The following C1QA variants were observed in gnomAD, a reference collection of about 807,000 sequenced individuals.
The protein encoded by C1QA is complement C1q subcomponent subunit A.
C1QA carries 3 observed loss-of-function variants against 6.9 expected under a neutral mutation model. The observed-to-expected ratio is 0.44, with a 90% CI of 0.20 to 1.12. The LOEUF is 1.12. Ranked by LOEUF, C1QA falls within the 50% of genes most tolerant of loss-of-function variation. The pLI, the probability that C1QA is intolerant of heterozygous loss-of-function variation, is 0.27. For synonymous variants in C1QA, 128 were observed against 134.1 expected (o/e 0.95, Z 0.31); for missense variants, 273 against 326.6 (o/e 0.84, Z 1.26).
At position 22,637,850 on chromosome 1, in the gene C1QA, G is replaced by C; in HGVS notation, c.163+71G>C. On this transcript the variant is annotated intron_variant, in intron 2 of 2. Transcript: ENST00000374642. The surrounding 1 kb of genome is among the most constrained non-coding windows in gnomAD (Gnocchi z 4.4). Reference sequence around the variant, plus strand: ...CTTGGCCTCCAGGGTGAAGGCTTGGGGTGGCACTGAGAATCAGGAGTCCGT... The same window carrying C: ...CTTGGCCTCCAGGGTGAAGGCTTGGCGTGGCACTGAGAATCAGGAGTCCGT... The C allele has an allele frequency of 6.8e-7, 1 of 1,479,630 alleles. No homozygotes were observed. Among genetic ancestry groups the C allele is most frequent in the Admixed American group, 2.1e-5 (1 of 47,074 alleles). The allele number at this position is 1,479,630 out of a possible 1,614,324, so 91.7% of individuals were successfully genotyped here.
chr1:22,639,480 G>A lies in C1QA; in HGVS notation c.*73G>A. ...CCGCCTGTAAAATGGGGGCGCTATT[G>A]CTTCAGCTGCTGAAGGGAGGGGGCT... is the stretch of plus-strand genomic sequence containing the variant. On this transcript the variant is annotated 3_prime_UTR_variant, in exon 3 of 3. Coordinates refer to ENST00000374642, the MANE Select transcript of C1QA (RefSeq NM_015991.4). The surrounding 1 kb of genome is among the most constrained non-coding windows in gnomAD (Gnocchi z 4.6). 1 of 1,542,312 alleles carries A rather than the reference G, an allele frequency of 6.5e-7. No homozygotes were observed. Among genetic ancestry groups the A allele is most frequent in the African/African-American group, 1.4e-5 (1 of 73,886 alleles).
rs1570074419 is a variant in C1QA, at chr1:22,639,657, A to C, written c.*250A>C. 1 of 577,128 alleles carries C rather than the reference A, an allele frequency of 1.7e-6. No homozygotes were observed. The highest frequency in any genetic ancestry group is 2.0e-5 in the South Asian group (1 of 49,332). 35.8% of individuals were successfully genotyped at this position (577,128 alleles called of 1,614,324 possible). On this transcript the variant is annotated 3_prime_UTR_variant, in exon 3 of 3. Coordinates refer to ENST00000374642, the MANE Select transcript of C1QA (RefSeq NM_015991.4). This position sits in a 1 kb window ranked among gnomAD's most constrained non-coding sequence, Gnocchi z 4.6. Reference sequence around the variant, plus strand: ...AGCATTGAGAGGGAGGCCTAAGAATAATAACAATCCAGTGCTTAAGAGTCA... The same window carrying C: ...AGCATTGAGAGGGAGGCCTAAGAATCATAACAATCCAGTGCTTAAGAGTCA...
rs754773441 is a variant in C1QA, at chr1:22,637,082, C to T, written c.-8+380C>T. On this transcript the variant is annotated intron_variant, in intron 1 of 2. Transcript: ENST00000374642. The surrounding 1 kb of genome is among the most constrained non-coding windows in gnomAD (Gnocchi z 4.4). Reference sequence around the variant, plus strand: ...CCATGCTCAGGTGGATGCTGAAAGGCGCTGAGCATGCAGAAGAGTGAGCAG... The same window carrying T: ...CCATGCTCAGGTGGATGCTGAAAGGTGCTGAGCATGCAGAAGAGTGAGCAG... Among the ~76,000 whole-genome samples the T allele has an allele frequency of 1.2e-4, 19 of 152,176 alleles. No homozygotes were observed. Among genetic ancestry groups the T allele is most frequent in the Non-Finnish European group, 2.5e-4 (17 of 68,036 alleles).
intron 2 of C1QA, 45 bp from the exon 3 acceptor site, chr1:22,638,788 G>A (rs973681608): frequency 1.9e-6 from 3 of 1,548,508 alleles, no homozygotes; most frequent in Admixed American, 2.0e-5. Flanking sequence ...CTGAGGACCA[G>A]TAGGCATTGG....
rs1557600730 is a variant in C1QA at position 22,638,908 on chromosome 1, GC to G, written c.240del (p.Lys81ArgfsTer201). On this transcript the variant is annotated frameshift_variant, in exon 3 of 3. Transcript: ENST00000374642. LOFTEE classifies it low-confidence loss of function (END_TRUNC). ...QGEPGPSGNP[G>X]KVGYPGPSGP... ...GAACCTGGGCCCTCTGGAAACCCCG[GC>G]AAGGTGGGCTACCCAGGGCCCAGCG... is the stretch of plus-strand genomic sequence containing the variant. 1 of 1,596,784 alleles carries G rather than the reference GC, an allele frequency of 6.3e-7. No homozygotes were observed. The highest frequency in any genetic ancestry group is 8.5e-7 in the Non-Finnish European group (1 of 1,172,106).
chr1:22,639,007 C>T lies in C1QA; in HGVS notation c.338C>T (p.Pro113Leu). ...AGCCCAGGAAACATCAAGGACCAGCCGAGGCCAGCCTTCTCCGCCATTCGG... is the reference window on the plus strand; with the variant it reads ...AGCCCAGGAAACATCAAGGACCAGCTGAGGCCAGCCTTCTCCGCCATTCGG... ...KGSPGNIKDQ[P>L]RPAFSAIRRN... Residue 113 changes from proline to leucine, a missense_variant, in exon 3 of 3, where the codon CCG (proline) becomes CTG (leucine). Pro to Leu is a moderately conservative substitution (Grantham distance 98). Coordinates refer to ENST00000374642, the MANE Select transcript of C1QA (RefSeq NM_015991.4). This position sits in a 1 kb window ranked among gnomAD's most constrained non-coding sequence, Gnocchi z 4.6. The T allele has an allele frequency of 1.9e-6, 3 of 1,613,508 alleles. No individual in the cohort carries two copies. Among genetic ancestry groups the T allele is most frequent in the East Asian group, 2.2e-5 (1 of 44,848 alleles).
In C1QA at chr1:22,637,873, C is replaced by T. The variant is rs544956164; in HGVS notation, c.163+94C>T. The stretch of plus-strand genomic sequence containing the variant: ...GGGGTGGCACTGAGAATCAGGAGTC[C>T]GTCTGCCCCCAGTGCCCCATGAATC... On this transcript the variant is annotated intron_variant, in intron 2 of 2. Coordinates refer to ENST00000374642, the MANE Select transcript of C1QA (RefSeq NM_015991.4). This position sits in a 1 kb window ranked among gnomAD's most constrained non-coding sequence, Gnocchi z 4.4. 2.2e-4 allele frequency: 304 copies of T among 1,413,288 alleles called. 3 individuals carry two copies. The highest frequency in any genetic ancestry group is 9.2e-4 in the South Asian group (66 of 71,994). 87.5% of individuals were successfully genotyped at this position (1,413,288 alleles called of 1,614,324 possible).
chr1:22,639,474 G>A lies in C1QA; in HGVS notation c.*67G>A, dbSNP rs1014235582. The A allele has an allele frequency of 8.3e-6, 13 of 1,567,360 alleles. No homozygotes were observed. Among genetic ancestry groups the A allele is most frequent in the Admixed American group, 3.5e-5 (2 of 57,126 alleles). The stretch of plus-strand genomic sequence containing the variant: ...CATGCTCCGCCTGTAAAATGGGGGC[G>A]CTATTGCTTCAGCTGCTGAAGGGAG... On this transcript the variant is annotated 3_prime_UTR_variant, in exon 3 of 3. Coordinates refer to ENST00000374642, the MANE Select transcript of C1QA (RefSeq NM_015991.4). This position sits in a 1 kb window ranked among gnomAD's most constrained non-coding sequence, Gnocchi z 4.6.
rs747233021 is a variant in C1QA at position 22,638,783 on chromosome 1, GA to G, written c.164-49del. On this transcript the variant is annotated intron_variant, in intron 2 of 2. Coordinates refer to ENST00000374642, the MANE Select transcript of C1QA (RefSeq NM_015991.4). Reference sequence around the variant, plus strand: ...CAGGGGGTCCAGCTCTCTCCCTGAGGACCAGTAGGCATTGGACTCTCACTTC... The same window carrying G: ...CAGGGGGTCCAGCTCTCTCCCTGAGGCCAGTAGGCATTGGACTCTCACTTC... The G allele has an allele frequency of 3.8e-5, 58 of 1,544,082 alleles. No homozygotes were observed. In the East Asian group the frequency reaches 1.1e-3, roughly 30 times the overall value.
At position 22,639,552 on chromosome 1, in the gene C1QA, G is replaced by A. The variant is rs1044378; in HGVS notation, c.*145G>A. 1,344 of 858,942 alleles carry A rather than the reference G, an allele frequency of 1.6e-3. 5 individuals are homozygous for A. Among genetic ancestry groups the A allele is most frequent in the Non-Finnish European group, 2.2e-3 (1,237 of 558,018 alleles). The allele number at this position is 858,942 out of a possible 1,614,324, so 53.2% of individuals were successfully genotyped here. ...GGCTGCCCCGTGACACATGCTCTAA[G>A]AAGCTCGTTTCTTAGACCTCTTCCT... On this transcript the variant is annotated 3_prime_UTR_variant, in exon 3 of 3. Coordinates refer to ENST00000374642, the MANE Select transcript of C1QA (RefSeq NM_015991.4). The surrounding 1 kb of genome is among the most constrained non-coding windows in gnomAD (Gnocchi z 4.6).
In C1QA at chr1:22,639,399, T is replaced by C. The variant is rs763783488; in HGVS notation, c.730T>C (p.Ser244Pro). 3.1e-6 allele frequency: 5 copies of C among 1,613,254 alleles called. No homozygotes were observed. Among genetic ancestry groups the C allele is most frequent in the African/African-American group, 1.3e-5 (1 of 74,904 alleles). Residue 244 changes from serine (S) to proline (P), a missense_variant, in exon 3 of 3, where the codon TCT (serine) becomes CCT (proline). Coordinates refer to ENST00000374642, the MANE Select transcript of C1QA (RefSeq NM_015991.4). The surrounding 1 kb of genome is among the most constrained non-coding windows in gnomAD (Gnocchi z 4.6). Reference protein sequence around the residue: ...SVFSGFLIFPSA With the variant: ...SVFSGFLIFPPA ...CTTCAGCGGCTTCCTCATCTTCCCATCTGCCTGAGCCAGGGAAGGACCCCC... is the reference window on the plus strand; with the variant it reads ...CTTCAGCGGCTTCCTCATCTTCCCACCTGCCTGAGCCAGGGAAGGACCCCC...
chr1:22,639,529 C>T lies in C1QA; in HGVS notation c.*122C>T. 2 of 1,129,532 alleles carry T rather than the reference C, an allele frequency of 1.8e-6. No homozygotes were observed. Among genetic ancestry groups the T allele is most frequent in the Non-Finnish European group, 2.5e-6 (2 of 787,046 alleles). The allele number at this position is 1,129,532 out of a possible 1,614,324, so 70.0% of individuals were successfully genotyped here. ...CTGGCTCTGAGAGCCCCAGGACTGG[C>T]TGCCCCGTGACACATGCTCTAAGAA... On this transcript the variant is annotated 3_prime_UTR_variant, in exon 3 of 3. Coordinates refer to ENST00000374642, the MANE Select transcript of C1QA (RefSeq NM_015991.4). The surrounding 1 kb of genome is among the most constrained non-coding windows in gnomAD (Gnocchi z 4.6).
chr1:22,639,028 T>C lies in C1QA; in HGVS notation c.359T>C (p.Ile120Thr), dbSNP rs757548258. The change falls in exon 3 of 3, where the codon ATT becomes ACT. Residue 120 changes from isoleucine to threonine, a missense_variant. By Grantham distance (89) the Ile-to-Thr change is moderately conservative (BLOSUM62 -1). Coordinates refer to ENST00000374642, the MANE Select transcript of C1QA (RefSeq NM_015991.4). The surrounding 1 kb of genome is among the most constrained non-coding windows in gnomAD (Gnocchi z 4.6). The stretch of plus-strand genomic sequence containing the variant: ...CAGCCGAGGCCAGCCTTCTCCGCCA[T>C]TCGGCGGAACCCCCCAATGGGGGGC... ...KDQPRPAFSA[I>T]RRNPPMGGNV... The C allele has an allele frequency of 1.1e-5, 17 of 1,614,066 alleles. No individual in the cohort carries two copies. The highest frequency in any genetic ancestry group is 9.3e-6 in the Non-Finnish European group (11 of 1,179,954).
In C1QA at chr1:22,638,835, GC is replaced by G; in HGVS notation, c.170del (p.Pro57LeufsTer225). On this transcript the variant is annotated frameshift_variant, in exon 3 of 3. Transcript: ENST00000374642. LOFTEE classifies it low-confidence loss of function (END_TRUNC). ...CAATCTGGCATTTCTCCCCACAGGG[GC>G]CCCTGGCATCCGGACAGGCATCCAA... ...GLKGEQGEPG[A>X]PGIRTGIQGL... 6.3e-7 allele frequency: 1 copy of G among 1,578,682 alleles called. No homozygotes were observed. Among genetic ancestry groups the G allele is most frequent in the Non-Finnish European group, 8.6e-7 (1 of 1,162,798 alleles).
At chr1:22,638,294 C>T (rs1038579490) in intron 2 of C1QA, among the ~76,000 whole-genome samples, 2 of 152,162 alleles carry the variant, frequency 1.3e-5, no homozygotes, top group Admixed American at 1.3e-4. Context: ...AACACTGTCC[C>T]TGCTTCCCCC....
rs17887074 is a variant in C1QA at position 22,637,683 on chromosome 1, G to C, written c.67G>C (p.Glu23Gln). 6.2e-6 allele frequency: 10 copies of C among 1,614,004 alleles called. No homozygotes were observed. The highest frequency in any genetic ancestry group is 6.8e-6 in the Non-Finnish European group (8 of 1,179,964). ...LAISLASMVT[E>Q]DLCRAPDGKK... is the part of the protein sequence containing the mutation. ...CATATCGCTGGCCTCTATGGTGACC[G>C]AGGACTTGTGCCGAGCACCAGACGG... Residue 23 changes from glutamate (E) to glutamine (Q), a missense_variant, in exon 2 of 3, where the codon GAG becomes CAG. Physicochemically the swap from Glu to Gln is conservative, Grantham distance 29 (BLOSUM62 2). Transcript: ENST00000374642. The surrounding 1 kb of genome is among the most constrained non-coding windows in gnomAD (Gnocchi z 4.4).
rs1642192071 is a variant in C1QA at position 22,637,080 on chromosome 1, G to A, written c.-8+378G>A. On this transcript the variant is annotated intron_variant, in intron 1 of 2. Coordinates refer to ENST00000374642, the MANE Select transcript of C1QA (RefSeq NM_015991.4). This position sits in a 1 kb window ranked among gnomAD's most constrained non-coding sequence, Gnocchi z 4.4. ...ACCCATGCTCAGGTGGATGCTGAAA[G>A]GCGCTGAGCATGCAGAAGAGTGAGC... 1.3e-5 allele frequency among the ~76,000 whole-genome samples: 2 copies of A among 152,216 alleles called. No homozygotes were observed. Among genetic ancestry groups the A allele is most frequent in the Admixed American group, 1.3e-4 (2 of 15,288 alleles).
rs1342638823 is a variant in C1QA at position 22,639,557 on chromosome 1, TC to T, written c.*151del. On this transcript the variant is annotated 3_prime_UTR_variant, in exon 3 of 3. Transcript: ENST00000374642. This position sits in a 1 kb window ranked among gnomAD's most constrained non-coding sequence, Gnocchi z 4.6. ...CCCCGTGACACATGCTCTAAGAAGC[TC>T]GTTTCTTAGACCTCTTCCTGGAATA... 9 of 813,140 alleles carry T rather than the reference TC, an allele frequency of 1.1e-5. No homozygotes were observed. Among genetic ancestry groups the T allele is most frequent in the African/African-American group, 1.7e-5 (1 of 57,662 alleles). 50.4% of individuals were successfully genotyped at this position (813,140 alleles called of 1,614,324 possible).
rs150607590 is a variant in C1QA at position 22,637,598 on chromosome 1, G to A, written c.-7-12G>A. On this transcript the variant is annotated splice_polypyrimidine_tract_variant and intron_variant, in intron 1 of 2. Transcript: ENST00000374642. The surrounding 1 kb of genome is among the most constrained non-coding windows in gnomAD (Gnocchi z 4.4). The stretch of plus-strand genomic sequence containing the variant: ...ATGTCCAACCTGCCCAGGCCCTCCC[G>A]TGTCTCCACAGAGGCATCATGGAGG... The A allele has an allele frequency of 4.5e-5, 73 of 1,613,640 alleles. No individual in the cohort carries two copies. The African/African-American group carries it at 6.1e-4, about 14-fold the overall frequency.
Sources: gnomAD v4.1 joint callset for allele counts (sites outside exome capture counted in the v4.1 genomes callset) on GRCh38, gnomAD v4.1.1 for gene constraint, Gnocchi (gnomAD v3.1) non-coding constraint, MANE v1.5 for transcripts, NCBI Gene and HGNC (gene_info 2026-07-23, HGNC 2026-07-21) for gene names.